CIT: variants seen among roughly 807,000 people sequenced by gnomAD.
CIT encodes the protein citron rho-interacting serine/threonine kinase.
Under a neutral mutation model 272.7 loss-of-function variants are expected in CIT, and 79 were observed. The observed-to-expected ratio is 0.29, with a 90% CI of 0.24 to 0.35. CIT has a LOEUF of 0.35. CIT is among the 10% of genes least tolerant of loss of function. The probability of loss-of-function intolerance (pLI) is 1.00; values close to 1 mark genes in which losing one functional copy is unlikely to be tolerated. For missense variants in CIT, 1,909 were observed against 2,618.3 expected (o/e 0.73, Z 5.91); for synonymous variants, 948 against 995.6 (o/e 0.95, Z 0.90).
Position 119,822,916 on chromosome 12 carries a change from G to C in CIT, c.1015C>G (p.Gln339Glu). ...TCTTTCTGGCCGCACAACAAGCTTT[G>C]AATCAGATCAAGAAAGTCACTGCTC... ...KVSSDFLDLI[Q>E]SLLCGQKERL... is the part of the protein sequence containing the mutation. The change falls in exon 9 of 48, where the codon CAA becomes GAA. Residue 339 changes from glutamine (Q) to glutamate (E), a missense_variant. Gln to Glu is a conservative substitution (Grantham distance 29, BLOSUM62 2). This residue lies in a region of CIT where 529 missense variants were observed against 549.6 expected (regional missense o/e 0.96). Transcript: ENST00000392521. The C allele has an allele frequency of 6.2e-7, 1 of 1,614,062 alleles. No homozygotes were observed. Among genetic ancestry groups the C allele is most frequent in the Non-Finnish European group, 8.5e-7 (1 of 1,180,000 alleles).
chr12:119,708,457 A>C, intron 39 of CIT, 139 bp from the exon 40 acceptor site: 2 of 826,818 alleles, frequency 2.4e-6, no homozygotes, highest in Non-Finnish European at 3.4e-6. Flanking sequence ...ATCCATATAA[A>C]CACATTTTAG....
In CIT at chr12:119,857,712, AAG is replaced by A; in HGVS notation, c.239-16_239-15del. ...TGGTGTCGGAATCTGCAAAAGATGCAAGAGTTAGCCCCAGGTAAATAAAGCAT... is the reference window on the plus strand; with the variant it reads ...TGGTGTCGGAATCTGCAAAAGATGCAAGTTAGCCCCAGGTAAATAAAGCAT... On this transcript the variant is annotated splice_polypyrimidine_tract_variant and intron_variant, in intron 3 of 47. Coordinates refer to ENST00000392521, the MANE Select transcript of CIT (RefSeq NM_001206999.2). 6.2e-7 allele frequency: 1 copy of A among 1,611,002 alleles called. No homozygotes were observed.
chr12:119,828,402 T>C (rs1968335620), intron 7 of CIT, among the ~76,000 whole-genome samples: 1 of 152,058 alleles, frequency 6.6e-6, no homozygotes. Context: ...GTTCAACACA[T>C]AATCTCACAT....
intron 7 of CIT, among the ~76,000 whole-genome samples, chr12:119,829,385 A>AGAAGAGAAGAGAAGAGAAGG (rs1968439458): frequency 6.6e-6 from 1 of 151,808 alleles, no homozygotes; most frequent in African/African-American, 2.4e-5. Flanking sequence ...AGAAGAGAAG[A>AGAAGAGAAGAGAAGAGAAGG]GAAGAGAAGA....
chr12:119,723,534 G>A (rs1003465553), intron 28 of CIT, among the ~76,000 whole-genome samples: 2 of 152,074 alleles, frequency 1.3e-5, no homozygotes, highest in Non-Finnish European at 2.9e-5. Flanking sequence ...GGGGATCTTA[G>A]CTGTGTGTTT....
intron 27 of CIT, 126 bp downstream of exon 27, chr12:119,730,369 G>T: frequency 1.3e-5 from 13 of 1,025,676 alleles, no homozygotes; most frequent in East Asian, 3.6e-5. Context: ...GGACATTTTT[G>T]GAGTGCATGA....
At chr12:119,707,158 ATCTC>A (rs926282593) in intron 40 of CIT, among the ~76,000 whole-genome samples, 6 of 152,124 alleles carry the variant, frequency 3.9e-5, no homozygotes, top group African/African-American at 1.4e-4. Context: ...TTTAAGGTTC[ATCTC>A]TCTCTCACAG....
intron 4 of CIT, among the ~76,000 whole-genome samples, chr12:119,850,858 G>T (rs2138253617): frequency 6.6e-6 from 1 of 152,234 alleles, no homozygotes; most frequent in South Asian, 2.1e-4. Context: ...GGGTAAGGAA[G>T]ACATCCACGT....
chr12:119,815,891 C>A (rs934659371), intron 9 of CIT, among the ~76,000 whole-genome samples: 5 of 151,970 alleles, frequency 3.3e-5, no homozygotes, highest in African/African-American at 9.7e-5. Context: ...CGCCGTATAA[C>A]CTTCTGTATA....
chr12:119,780,609 T>C (rs1270615794), intron 13 of CIT, among the ~76,000 whole-genome samples: 1 of 151,972 alleles, frequency 6.6e-6, no homozygotes, highest in Non-Finnish European at 1.5e-5. Flanking sequence ...AGAGCGAGAC[T>C]CCATCTCAAA....
Position 119,697,338 on chromosome 12 carries a change from C to T in CIT, c.5882+321G>A, listed in dbSNP as rs1294237298. The stretch of plus-strand genomic sequence containing the variant: ...TCACCATTCTCCCTCCCCCACAAGC[C>T]CAACAACTAGCACCGCAGAATACCT... On this transcript the variant is annotated intron_variant, in intron 46 of 47. Transcript: ENST00000392521. This position sits in a 1 kb window ranked among gnomAD's most constrained non-coding sequence, Gnocchi z 4.9. Among the ~76,000 whole-genome samples, 1 of 152,190 alleles carries T rather than the reference C, an allele frequency of 6.6e-6. No homozygotes were observed. Among genetic ancestry groups the T allele is most frequent in the African/African-American group, 2.4e-5 (1 of 41,448 alleles).
In CIT at chr12:119,826,585, G is replaced by A. The variant is rs140361597; in HGVS notation, c.754-1217C>T. Among the ~76,000 whole-genome samples the A allele has an allele frequency of 5.1e-3, 773 of 152,268 alleles. 6 individuals are homozygous for A. Among genetic ancestry groups the A allele is most frequent in the African/African-American group, 0.018 (746 of 41,546 alleles). On this transcript the variant is annotated intron_variant, in intron 7 of 47. Coordinates refer to ENST00000392521, the MANE Select transcript of CIT (RefSeq NM_001206999.2). ...TTATTTTGACGTTTTACTGAGCCAT[G>A]AAATTTGAAGTCTAAAGATTCCTTC... is the stretch of plus-strand genomic sequence containing the variant.
chr12:119,713,323 T>C lies in CIT; in HGVS notation c.4488-29A>G, dbSNP rs375140625. 12 of 1,606,884 alleles carry C rather than the reference T, an allele frequency of 7.5e-6. No individual in the cohort carries two copies. The highest frequency in any genetic ancestry group is 1.0e-5 in the Non-Finnish European group (12 of 1,174,340). Reference sequence around the variant, plus strand: ...GGGAAAGAAAGATGGAAAAGAAAAATGTCTGAACTCAGAAGAAACATCCGG... The same window carrying C: ...GGGAAAGAAAGATGGAAAAGAAAAACGTCTGAACTCAGAAGAAACATCCGG... On this transcript the variant is annotated intron_variant, in intron 34 of 47. Coordinates refer to ENST00000392521, the MANE Select transcript of CIT (RefSeq NM_001206999.2). The surrounding 1 kb of genome is among the most constrained non-coding windows in gnomAD (Gnocchi z 5.2).
chr12:119,692,726 A>G (rs1437905729), intron 46 of CIT, among the ~76,000 whole-genome samples: 3 of 152,234 alleles, frequency 2.0e-5, no homozygotes, highest in East Asian at 3.8e-4. Context: ...CCTCTACAAT[A>G]TAACAGAGAA....
intron 9 of CIT, among the ~76,000 whole-genome samples, chr12:119,812,171 C>T (rs1306488313): frequency 6.6e-6 from 1 of 152,042 alleles, no homozygotes; most frequent in East Asian, 1.9e-4. Context: ...TGGTCTCGAA[C>T]TTCTGACCTC....
intron 28 of CIT, 140 bp from the exon 29 acceptor site, chr12:119,721,589 T>C (rs1957817005): frequency 1.1e-5 from 9 of 791,680 alleles, no homozygotes; most frequent in South Asian, 5.4e-5. Flanking sequence ...GAATTACCAA[T>C]TGTCATCTAT....
chr12:119,810,232 C>T (rs568691448), intron 9 of CIT, among the ~76,000 whole-genome samples: 2 of 152,094 alleles, frequency 1.3e-5, no homozygotes, highest in African/African-American at 4.8e-5. Flanking sequence ...TATCTCCAGG[C>T]GGATAGTGCC....
chr12:119,735,469 G>T (rs112721925), intron 24 of CIT, 112 bp from the exon 25 acceptor site: 2 of 1,048,526 alleles, frequency 1.9e-6, no homozygotes, highest in Non-Finnish European at 2.9e-6. Context: ...TCAACGTGCC[G>T]CTCATGAGTT....
rs186740419 is a variant in CIT at position 119,791,438 on chromosome 12, T to C, written c.1296-6373A>G. On this transcript the variant is annotated intron_variant, in intron 10 of 47. Transcript: ENST00000392521. ...CTCACCCCACAAGAGCAACTCTCCC[T>C]CCCTCACTTTAGGGTTCAGGGGAGT... Among the ~76,000 whole-genome samples the C allele has an allele frequency of 3.3e-3, 499 of 152,234 alleles. 3 individuals are homozygous for C. The highest frequency in any genetic ancestry group is 0.012 in the African/African-American group (478 of 41,518).
Sources: allele counts gnomAD v4.1 joint callset (sites outside exome capture counted in the v4.1 genomes callset), GRCh38; gene constraint gnomAD v4.1.1; regional missense constraint gnomAD v4.1.1; non-coding constraint Gnocchi (gnomAD v3.1); transcripts MANE v1.5; gene names NCBI Gene and HGNC (gene_info 2026-07-23, HGNC 2026-07-21).